DLG1: variants seen among roughly 807,000 people sequenced by gnomAD.
DLG1 encodes disks large homolog 1.
DLG1 carries 42 observed loss-of-function variants against 123.4 expected under a neutral mutation model. That is an observed-to-expected ratio of 0.34 (90% confidence interval 0.27 to 0.44). DLG1 has a LOEUF of 0.44. Ranked by LOEUF, DLG1 falls within the 20% of genes least tolerant of loss-of-function variation. The probability of loss-of-function intolerance (pLI) is 1.00; values close to 1 mark genes in which losing one functional copy is unlikely to be tolerated. For synonymous variants in DLG1, 317 were observed against 356.2 expected (o/e 0.89, Z 1.24); for missense variants, 942 against 1,082.6 (o/e 0.87, Z 1.82).
At chr3:197,137,000 T>C (rs1029409799) in intron 9 of DLG1, among the ~76,000 whole-genome samples, 1 of 152,234 alleles carries the variant, frequency 6.6e-6, no homozygotes, top group Non-Finnish European at 1.5e-5. Flanking sequence ...ACCTACACTT[T>C]TAATATTTTC....
intron 5 of DLG1, chr3:197,183,972 C>T: frequency 1.4e-6 from 2 of 1,423,370 alleles, no homozygotes; most frequent in Non-Finnish European, 1.8e-6. Flanking sequence ...GTGATTTCTT[C>T]CTATGAAAGA....
intron 5 of DLG1, among the ~76,000 whole-genome samples, chr3:197,179,475 A>T (rs1808940593): frequency 6.6e-6 from 1 of 152,186 alleles, no homozygotes; most frequent in Non-Finnish European, 1.5e-5. Flanking sequence ...GATGGCTTGT[A>T]CTTACAAATT....
At chr3:197,051,113 G>A (rs1009694716) in intron 24 of DLG1, among the ~76,000 whole-genome samples, 4 of 152,084 alleles carry the variant, frequency 2.6e-5, no homozygotes, top group Admixed American at 6.6e-5. Context: ...GTGGCTCACC[G>A]CTGTAATCCT....
intron 4 of DLG1, among the ~76,000 whole-genome samples, chr3:197,230,871 GAATAA>G (rs1291851994): frequency 2.6e-5 from 4 of 151,522 alleles, no homozygotes; most frequent in African/African-American, 9.8e-5. Flanking sequence ...CAAAAAACAA[GAATAA>G]AATGATAGTA....
In DLG1 at chr3:197,259,521, C is replaced by G. The variant is rs138499211; in HGVS notation, c.318+23158G>C. The stretch of plus-strand genomic sequence containing the variant: ...TTAAAATCTCAACAAGTTTGTCTAG[C>G]AATCACTATGAGACATCGTAAGTGC... On this transcript the variant is annotated intron_variant, in intron 4 of 24. Coordinates refer to ENST00000667157, the MANE Select transcript of DLG1 (RefSeq NM_001366207.1). Among the ~76,000 whole-genome samples the G allele has an allele frequency of 2.3e-4, 35 of 152,212 alleles. No homozygotes were observed. In the East Asian group the frequency reaches 6.6e-3, roughly 29 times the overall value.
intron 18 of DLG1, 162 bp from the exon 19 acceptor site, chr3:197,069,422 A>G (rs1742074247): frequency 4.4e-6 from 2 of 452,564 alleles, no homozygotes; most frequent in Non-Finnish European, 7.8e-6. Context: ...TAATAAATAT[A>G]TATTAGCAAA....
intron 4 of DLG1, among the ~76,000 whole-genome samples, chr3:197,212,365 A>G (rs1369525955): frequency 8.6e-6 from 1 of 115,974 alleles, no homozygotes; most frequent in African/African-American, 2.6e-5. Context: ...GGCAAAAGAA[A>G]GTAAAAGTGT....
At chr3:197,132,902 T>C (rs940435706) in intron 10 of DLG1, among the ~76,000 whole-genome samples, 1 of 140,900 alleles carries the variant, frequency 7.1e-6, no homozygotes, top group African/African-American at 2.7e-5. Flanking sequence ...ACTGCTGAAA[T>C]ACACATTAAA....
intron 4 of DLG1, among the ~76,000 whole-genome samples, chr3:197,214,429 C>T (rs564310100): frequency 1.5e-4 from 23 of 151,956 alleles, no homozygotes; most frequent in Non-Finnish European, 2.2e-4. Context: ...AAAAAGTAGC[C>T]GGGCGTGGTG....
chr3:197,208,766 T>C (rs1729888449), intron 4 of DLG1, among the ~76,000 whole-genome samples: 1 of 145,394 alleles, frequency 6.9e-6, no homozygotes, highest in South Asian at 2.6e-4. Context: ...CCAGGATGCA[T>C]AGGAAACAGA....
chr3:197,121,271 G>A (rs1776222112), intron 11 of DLG1, among the ~76,000 whole-genome samples: 1 of 152,078 alleles, frequency 6.6e-6, no homozygotes, highest in African/African-American at 2.4e-5. Context: ...AGAAGGATCA[G>A]ATAAAACAGT....
chr3:197,285,476 T>C (rs1196461861), intron 3 of DLG1, among the ~76,000 whole-genome samples: 2 of 152,004 alleles, frequency 1.3e-5, no homozygotes, highest in African/African-American at 2.4e-5. Flanking sequence ...AATGAAAAGA[T>C]AAGCCACAGA....
intron 16 of DLG1, among the ~76,000 whole-genome samples, chr3:197,083,794 CAAACAAAAACAAAAACAA>C (rs3051913): frequency 1.3e-5 from 2 of 149,302 alleles, no homozygotes; most frequent in African/African-American, 4.9e-5. Context: ...CCCATCTCCA[CAAACAAAAACAAAAACAA>C]AAACAAAAAC....
At chr3:197,103,554 C>T (rs890645223) in intron 14 of DLG1, among the ~76,000 whole-genome samples, 3 of 151,622 alleles carry the variant, frequency 2.0e-5, no homozygotes, top group South Asian at 2.1e-4. Context: ...TGACTTCATA[C>T]GTTAGTCTCT....
In DLG1 at chr3:197,276,264, T is replaced by C. The variant is rs1022221641; in HGVS notation, c.318+6415A>G. Among the ~76,000 whole-genome samples, 8 of 152,370 alleles carry C rather than the reference T, an allele frequency of 5.3e-5. 1 individual carries two copies. The highest frequency in any genetic ancestry group is 1.9e-4 in the African/African-American group (8 of 41,592). On this transcript the variant is annotated intron_variant, in intron 4 of 24. Transcript: ENST00000667157. ...ATCTTTTATATCCCTTGTTGGTTTC[T>C]ACTAATTAAGGCTGCAGTGAGCATC... is the stretch of plus-strand genomic sequence containing the variant.
intron 11 of DLG1, among the ~76,000 whole-genome samples, chr3:197,120,287 A>C (rs1270489176): frequency 6.6e-6 from 1 of 152,004 alleles, no homozygotes; most frequent in Admixed American, 6.5e-5. Flanking sequence ...AAAAAAAAAA[A>C]AAAAGCAAAA....
chr3:197,143,881 T>A (rs1049272065), intron 6 of DLG1, among the ~76,000 whole-genome samples: 3 of 152,176 alleles, frequency 2.0e-5, no homozygotes, highest in Non-Finnish European at 4.4e-5. Flanking sequence ...TTTATCTCCC[T>A]CCAATTTATT....
intron 7 of DLG1, 47 bp downstream of exon 7, chr3:197,142,671 A>T (rs376167605): frequency 1.5e-6 from 2 of 1,375,576 alleles, no homozygotes; most frequent in African/African-American, 2.9e-5. Context: ...AAAAAGCAGT[A>T]TATTACAAAG....
chr3:197,223,537 T>C (rs1249451062), intron 4 of DLG1, among the ~76,000 whole-genome samples: 1 of 152,172 alleles, frequency 6.6e-6, no homozygotes, highest in Non-Finnish European at 1.5e-5. Flanking sequence ...TAAATGAAAA[T>C]ATTCAGCTTA....
Sources: gnomAD v4.1 joint callset for allele counts (sites outside exome capture counted in the v4.1 genomes callset) on GRCh38, gnomAD v4.1.1 for gene constraint, MANE v1.5 for transcripts, NCBI Gene and HGNC (gene_info 2026-07-23, HGNC 2026-07-21) for gene names.